DST: variants seen among roughly 807,000 people sequenced by gnomAD.
The protein encoded by DST is bullous pemphigoid antigen.
In DST, 253 loss-of-function variants were observed where a neutral mutation model predicts 875.2. That is an observed-to-expected ratio of 0.29 (90% CI 0.26 to 0.32). DST has a LOEUF of 0.32. Ranked by LOEUF, DST falls within the 10% of genes least tolerant of loss-of-function variation. The pLI is 1.00. For synonymous variants in DST, 3,124 were observed against 3,197.1 expected (o/e 0.98, Z 0.77); for missense variants, 8,287 against 9,111.6 (o/e 0.91, Z 3.68).
At chr6:56,651,798 G>T (rs1031063430) in intron 10 of DST, among the ~76,000 whole-genome samples, 1 of 152,156 alleles carries the variant, frequency 6.6e-6, no homozygotes, top group Admixed American at 6.5e-5. Flanking sequence ...CATACTTCCA[G>T]CCTGCACCCC....
chr6:56,487,670 T>C (rs2095610872), intron 86 of DST, among the ~76,000 whole-genome samples: 1 of 152,220 alleles, frequency 6.6e-6, no homozygotes, highest in South Asian at 2.1e-4. Flanking sequence ...TCTACACAAC[T>C]CAATCATAAG....
chr6:56,908,553 C>T (rs1178919599), intron 2 of DST, among the ~76,000 whole-genome samples: 9 of 152,106 alleles, frequency 5.9e-5, no homozygotes, highest in African/African-American at 2.2e-4. Context: ...TTCAAAATCA[C>T]AGTAGTTAGT....
chr6:56,581,092 G>C (rs2097979173), intron 49 of DST, among the ~76,000 whole-genome samples: 2 of 144,842 alleles, frequency 1.4e-5, no homozygotes, highest in African/African-American at 5.1e-5. Context: ...AGCAAGCTAA[G>C]AGTAAAGGAA....
intron 63 of DST, 106 bp from the exon 64 acceptor site, chr6:56,532,616 T>A: frequency 9.5e-7 from 1 of 1,050,544 alleles, no homozygotes; most frequent in Non-Finnish European, 1.4e-6. Context: ...GTATTTTGTA[T>A]GTATGCACAT....
chr6:56,618,369 A>C, intron 36 of DST: 1 of 1,613,748 alleles, frequency 6.2e-7, no homozygotes, highest in South Asian at 1.1e-5. Context: ...GAGTGCTGGC[A>C]CTCCTTCACT....
chr6:56,770,212 A>T (rs1298029130), intron 4 of DST, among the ~76,000 whole-genome samples: 1 of 152,214 alleles, frequency 6.6e-6, no homozygotes, highest in African/African-American at 2.4e-5. Context: ...TAATTTGGTA[A>T]AGAAACTGGG....
At position 56,714,494 on chromosome 6, in the gene DST, T is replaced by TA. The variant is rs1412330856; in HGVS notation, c.688-10126dup. 5.3e-5 allele frequency among the ~76,000 whole-genome samples: 8 copies of TA among 152,210 alleles called. No homozygotes were observed. Among genetic ancestry groups the TA allele is most frequent in the Non-Finnish European group, 1.0e-4 (7 of 68,030 alleles). Reference sequence around the variant, plus strand: ...GAAGAGGTACTGCACTGATGTCTCTTACTAAAGCTGAAATCTAAGTGGAAG... The same window carrying TA: ...GAAGAGGTACTGCACTGATGTCTCTTAACTAAAGCTGAAATCTAAGTGGAAG... On this transcript the variant is annotated intron_variant, in intron 5 of 103. Transcript: ENST00000680361. The surrounding 1 kb of genome is among the most constrained non-coding windows in gnomAD (Gnocchi z 4.5).
chr6:56,554,330 G>A (rs13194746), intron 60 of DST, among the ~76,000 whole-genome samples: 17 of 151,440 alleles, frequency 1.1e-4, no homozygotes, highest in Non-Finnish European at 1.8e-4. Flanking sequence ...GTGATCCGCC[G>A]GCCTCGGCCT....
At chr6:56,812,290 A>G (rs2153037234) in intron 4 of DST, among the ~76,000 whole-genome samples, 1 of 152,098 alleles carries the variant, frequency 6.6e-6, no homozygotes, top group Non-Finnish European at 1.5e-5. Context: ...AACTGAAATC[A>G]CTCCCTTAAA....
At chr6:56,476,449 C>G (rs1480160157) in intron 91 of DST, 112 bp from the exon 92 acceptor site, 1 of 931,768 alleles carries the variant, frequency 1.1e-6, no homozygotes, top group African/African-American at 1.7e-5. Flanking sequence ...GAGCTAGACC[C>G]ATAATGCTTC....
At chr6:56,661,521 T>A (rs902367258) in intron 10 of DST, among the ~76,000 whole-genome samples, 1 of 151,862 alleles carries the variant, frequency 6.6e-6, no homozygotes, top group Admixed American at 6.6e-5. Context: ...GTTGATTACA[T>A]ACTTCCTAAA....
chr6:56,698,628 A>G (rs987942130), intron 9 of DST, among the ~76,000 whole-genome samples: 2 of 152,128 alleles, frequency 1.3e-5, no homozygotes, highest in African/African-American at 4.8e-5. Flanking sequence ...CCCAGCCTTT[A>G]AAAAAGTCTT....
intron 9 of DST, among the ~76,000 whole-genome samples, chr6:56,684,847 C>A (rs1201515793): frequency 6.6e-6 from 1 of 152,182 alleles, no homozygotes; most frequent in Admixed American, 6.5e-5. Context: ...GGCTTCTATA[C>A]TGGCAAAGGA....
chr6:56,602,312 T>C (rs1444568972), intron 43 of DST, among the ~76,000 whole-genome samples: 2 of 151,968 alleles, frequency 1.3e-5, no homozygotes, highest in African/African-American at 2.4e-5. Context: ...TCGTTTTCTA[T>C]GTTTAGATAC....
chr6:56,764,409 C>A (rs970387710), intron 4 of DST, among the ~76,000 whole-genome samples: 1 of 152,162 alleles, frequency 6.6e-6, no homozygotes, highest in Non-Finnish European at 1.5e-5. Flanking sequence ...TGGAGCCCCA[C>A]GACATGCTGC....
chr6:56,622,090 T>G (rs897460382), intron 36 of DST, among the ~76,000 whole-genome samples: 1 of 152,228 alleles, frequency 6.6e-6, no homozygotes, highest in Non-Finnish European at 1.5e-5. Context: ...AATACTAAGT[T>G]TTCAGTATTT....
chr6:56,595,077 A>T (rs1481894796), intron 47 of DST, among the ~76,000 whole-genome samples: 2 of 152,254 alleles, frequency 1.3e-5, no homozygotes, highest in Non-Finnish European at 2.9e-5. Flanking sequence ...TTTGCCATAC[A>T]AGTGTGGCAA....
rs1292949287 is a variant in DST, at chr6:56,899,804, C to G, written c.417+617G>C. ...GATGTGAGAAGGGGATGAAGACCAG[C>G]TCCTAGTTGAGCCCTGAGTTTCTGA... On this transcript the variant is annotated intron_variant, in intron 3 of 103. Transcript: ENST00000680361. 2.0e-5 allele frequency among the ~76,000 whole-genome samples: 3 copies of G among 152,214 alleles called. No homozygotes were observed. The East Asian group carries it at 5.8e-4, about 29-fold the overall frequency.
intron 82 of DST, 27 bp from the exon 83 acceptor site, chr6:56,494,207 T>C: frequency 6.4e-7 from 1 of 1,571,632 alleles, no homozygotes; most frequent in Non-Finnish European, 8.6e-7. Flanking sequence ...TCAAGTTATA[T>C]CACTTTAAGA....
Sources: gnomAD v4.1 joint callset for allele counts (sites outside exome capture counted in the v4.1 genomes callset) on GRCh38, gnomAD v4.1.1 for gene constraint, Gnocchi (gnomAD v3.1) non-coding constraint, MANE v1.5 for transcripts, NCBI Gene and HGNC (gene_info 2026-07-23, HGNC 2026-07-21) for gene names.